LRTM1: variants seen among roughly 807,000 people sequenced by gnomAD.
The protein encoded by LRTM1 is leucine-rich repeat and transmembrane domain-containing protein 1.
Under a neutral mutation model 32.4 loss-of-function variants are expected in LRTM1, and 38 were observed. The observed-to-expected ratio is 1.17, with a 90% CI of 0.91 to 1.54. LRTM1 has a LOEUF of 1.54. Ranked by LOEUF, LRTM1 falls within the 40% of genes most tolerant of loss-of-function variation. The pLI, the probability that LRTM1 is intolerant of heterozygous loss-of-function variation, is 0.00. For synonymous variants in LRTM1, 186 were observed against 169.9 expected, an observed-to-expected ratio of 1.09 and a Z score of -0.74; for missense variants, 466 against 415.4, an observed-to-expected ratio of 1.12 and a Z score of -1.06.
chr3:54,938,610 C>G (rs1559637708), intron 1 of LRTM1, among the ~76,000 whole-genome samples: 1 of 151,816 alleles, frequency 6.6e-6, no homozygotes, highest in African/African-American at 2.4e-5. Flanking sequence ...TGACCAAGCC[C>G]CCTTAGTTAC....
intron 1 of LRTM1, among the ~76,000 whole-genome samples, chr3:54,947,054 G>T (rs1701634210): frequency 6.6e-6 from 1 of 152,184 alleles, no homozygotes; most frequent in African/African-American, 2.4e-5. Flanking sequence ...ACCCCATAAT[G>T]AAAGTGATCT....
chr3:54,919,222 T>C (rs1466471137), intron 2 of LRTM1, among the ~76,000 whole-genome samples: 3 of 152,202 alleles, frequency 2.0e-5, no homozygotes, highest in African/African-American at 7.2e-5. Context: ...AGGGCACAGC[T>C]GCCCACTGCA....
chr3:54,941,194 T>G (rs1420916098), intron 1 of LRTM1, among the ~76,000 whole-genome samples: 1 of 152,208 alleles, frequency 6.6e-6, no homozygotes, highest in African/African-American at 2.4e-5. Context: ...ATCAAACTTG[T>G]TCAAGTTGTT....
At chr3:54,941,816 A>G (rs1701474355) in intron 1 of LRTM1, among the ~76,000 whole-genome samples, 1 of 152,074 alleles carries the variant, frequency 6.6e-6, no homozygotes, top group Non-Finnish European at 1.5e-5. Flanking sequence ...GTCTGGGGAG[A>G]GGCTTCAGGG....
At chr3:54,954,700 C>G (rs11708121) in intron 1 of LRTM1, among the ~76,000 whole-genome samples, 2,413 of 152,266 alleles carry the variant, frequency 0.016, 29 homozygotes, top group Non-Finnish European at 0.026. Flanking sequence ...TTCCCCAGGC[C>G]TCAGCTTTTG....
At chr3:54,920,273 T>C (rs1461250174) in intron 2 of LRTM1, among the ~76,000 whole-genome samples, 1 of 152,186 alleles carries the variant, frequency 6.6e-6, no homozygotes, top group Non-Finnish European at 1.5e-5. Context: ...AGATAAGTCA[T>C]AAGTGGCCCT....
At chr3:54,965,385 A>C (rs1356181) in intron 1 of LRTM1, among the ~76,000 whole-genome samples, 60,910 of 151,902 alleles carry the variant, frequency 0.4, 13,854 homozygotes, top group East Asian at 0.56. Context: ...CCCCTCCCTT[A>C]CTGTTTCCTC....
In LRTM1 at chr3:54,918,893, C is replaced by T. The variant is rs764660186; in HGVS notation, c.605-1G>A. The T allele has an allele frequency of 1.7e-5, 26 of 1,518,698 alleles. No individual in the cohort carries two copies. Among genetic ancestry groups the T allele is most frequent in the Non-Finnish European group, 2.3e-5 (26 of 1,133,576 alleles). 94.1% of individuals were successfully genotyped at this position (1,518,698 alleles called of 1,614,324 possible). ...CAGATGATGCCGTCTGTTAGTCCCC[C>T]TTTAAAAAACAAAAGCAAAGAACAA... On this transcript the variant is annotated splice_acceptor_variant, in intron 2 of 2. Transcript: ENST00000273286. LOFTEE classifies it high-confidence loss of function.
chr3:54,952,167 G>A (rs112428252), intron 1 of LRTM1, among the ~76,000 whole-genome samples: 15 of 152,272 alleles, frequency 9.9e-5, no homozygotes, highest in African/African-American at 3.1e-4. Flanking sequence ...TTTATAAACT[G>A]CCTCCTGCAC....
chr3:54,936,949 T>C (rs1158616385), intron 1 of LRTM1, among the ~76,000 whole-genome samples: 1 of 152,192 alleles, frequency 6.6e-6, no homozygotes, highest in East Asian at 1.9e-4. Flanking sequence ...TATAAGTTCC[T>C]ATCCATGGCC....
intron 1 of LRTM1, 100 bp from the exon 2 acceptor site, chr3:54,925,315 A>C (rs1575380227): frequency 1.0e-6 from 1 of 973,212 alleles, no homozygotes; most frequent in East Asian, 2.4e-5. Context: ...CTTTCCAGCC[A>C]GGTGAAACCT....
At chr3:54,961,827 T>G (rs1471433359) in intron 1 of LRTM1, among the ~76,000 whole-genome samples, 1 of 152,158 alleles carries the variant, frequency 6.6e-6, no homozygotes, top group Non-Finnish European at 1.5e-5. Context: ...AACAGAGTGG[T>G]AGAAGCCGGG....
Position 54,918,798 on chromosome 3 carries a change from A to G in LRTM1, c.699T>C (p.Pro233=). The part of the protein sequence containing the change: ...RIPHELYQPC[P]LPAPDPVSSQ... ...AGGACACTGGATCAGGAGCAGGAAG[A>G]GGGCAGGGCTGGTACAGCTCATGAG... is the stretch of plus-strand genomic sequence containing the variant. Residue 233 remains proline (P), a synonymous_variant, in exon 3 of 3, where the codon CCT becomes CCC. Transcript: ENST00000273286. The G allele has an allele frequency of 6.2e-7, 1 of 1,613,946 alleles. No homozygotes were observed. Among genetic ancestry groups the G allele is most frequent in the Non-Finnish European group, 8.5e-7 (1 of 1,179,912 alleles).
At chr3:54,932,581 G>A (rs541061980), upstream of LRTM1, among the ~76,000 whole-genome samples, 189 of 152,352 alleles carry the variant, frequency 1.2e-3, 1 homozygote, top group Admixed American at 2.4e-3. Flanking sequence ...TGAGTTATCT[G>A]TGTAAATATA....
chr3:54,952,233 G>A (rs1014806966), intron 1 of LRTM1, among the ~76,000 whole-genome samples: 1 of 152,216 alleles, frequency 6.6e-6, no homozygotes, highest in Non-Finnish European at 1.5e-5. Context: ...AGAGACAAAG[G>A]ATGTTGGCCT....
intron 1 of LRTM1, among the ~76,000 whole-genome samples, chr3:54,948,495 C>T (rs1701672218): frequency 6.6e-6 from 1 of 152,180 alleles, no homozygotes; most frequent in South Asian, 2.1e-4. Flanking sequence ...CTAGTATGGG[C>T]AAAGGTAGCA....
intron 1 of LRTM1, among the ~76,000 whole-genome samples, chr3:54,938,877 G>A (rs139463209): frequency 1.2e-4 from 19 of 152,236 alleles, no homozygotes; most frequent in African/African-American, 4.1e-4. Context: ...CCCCATTAGT[G>A]TGCCATGGGC....
intron 1 of LRTM1, among the ~76,000 whole-genome samples, chr3:54,945,933 G>A (rs1365833632): frequency 6.6e-6 from 1 of 152,168 alleles, no homozygotes; most frequent in Non-Finnish European, 1.5e-5. Context: ...TAAAGGAGGA[G>A]GCCTGACCTC....
chr3:54,922,809 ACACT>A (rs1700892040), intron 2 of LRTM1, among the ~76,000 whole-genome samples: 1 of 151,944 alleles, frequency 6.6e-6, no homozygotes, highest in African/African-American at 2.4e-5. Context: ...CCTCCCCAAC[ACACT>A]CACTCACTCC....
Sources: gnomAD v4.1 joint callset for allele counts (sites outside exome capture counted in the v4.1 genomes callset) on GRCh38, gnomAD v4.1.1 for gene constraint, MANE v1.5 for transcripts, NCBI Gene and HGNC (gene_info 2026-07-23, HGNC 2026-07-21) for gene names.